Variants in NXPH1 observed in about 807,000 individuals in gnomAD.
NXPH1 encodes the protein neurexophilin 1.
In NXPH1, 5 loss-of-function variants were observed where a neutral mutation model predicts 23.7. The observed-to-expected ratio is 0.21, with a 90% confidence interval of 0.11 to 0.44. The LOEUF (loss-of-function observed/expected upper bound fraction) is 0.44, where lower values mean the gene tolerates loss of function less well. Ranked by LOEUF, NXPH1 falls within the 20% of genes least tolerant of loss-of-function variation. The pLI is 0.99. For missense variants in NXPH1, 324 were observed against 321.6 expected, an observed-to-expected ratio of 1.01 and a Z score of -0.06; for synonymous variants, 144 against 122.2, an observed-to-expected ratio of 1.18 and a Z score of -1.18.
intron 2 of NXPH1, among the ~76,000 whole-genome samples, chr7:8,598,658 G>A (rs17405461): frequency 0.014 from 2,146 of 152,242 alleles, 20 homozygotes; most frequent in Non-Finnish European, 0.022. Context: ...TTTGTACAGC[G>A]TCAGTATTTT....
At chr7:8,463,098 A>C (rs1006254245) in intron 2 of NXPH1, among the ~76,000 whole-genome samples, 2 of 152,190 alleles carry the variant, frequency 1.3e-5, no homozygotes, top group African/African-American at 4.8e-5. Flanking sequence ...AATATAATTC[A>C]TAAGTTTAGG....
At chr7:8,630,381 T>C (rs1388099103) in intron 2 of NXPH1, among the ~76,000 whole-genome samples, 1 of 152,146 alleles carries the variant, frequency 6.6e-6, no homozygotes, top group Admixed American at 6.6e-5. Context: ...ATGTCCAGGA[T>C]TGGATATTGT....
chr7:8,646,220 G>A (rs1396979975), intron 2 of NXPH1, among the ~76,000 whole-genome samples: 1 of 152,012 alleles, frequency 6.6e-6, no homozygotes, highest in Non-Finnish European at 1.5e-5. Flanking sequence ...GTATTACTGG[G>A]TGTAATTAGT....
At chr7:8,437,123 G>T (rs898228531) in intron 2 of NXPH1, among the ~76,000 whole-genome samples, 1 of 152,232 alleles carries the variant, frequency 6.6e-6, no homozygotes, top group African/African-American at 2.4e-5. Flanking sequence ...AGGACACCTT[G>T]GGGTAAACAG....
chr7:8,673,998 A>C (rs1244050491), intron 2 of NXPH1, among the ~76,000 whole-genome samples: 1 of 152,198 alleles, frequency 6.6e-6, no homozygotes, highest in Non-Finnish European at 1.5e-5. Flanking sequence ...GCTACTCCAC[A>C]TAACAAAGTA....
intron 2 of NXPH1, among the ~76,000 whole-genome samples, chr7:8,705,023 T>C (rs1370124394): frequency 3.3e-5 from 5 of 152,130 alleles, no homozygotes; most frequent in African/African-American, 1.2e-4. Context: ...TAGTAAATGT[T>C]GTGTCTAAAT....
At chr7:8,597,456 G>C (rs1819250450) in intron 2 of NXPH1, among the ~76,000 whole-genome samples, 1 of 152,058 alleles carries the variant, frequency 6.6e-6, no homozygotes, top group South Asian at 2.1e-4. Flanking sequence ...GGGGAAGATA[G>C]TGAGTTTGAA....
At chr7:8,532,303 T>A (rs561567427) in intron 2 of NXPH1, among the ~76,000 whole-genome samples, 26 of 152,186 alleles carry the variant, frequency 1.7e-4, no homozygotes, top group African/African-American at 5.5e-4. Context: ...AATCTATGTA[T>A]CAATTCATCC....
chr7:8,747,453 C>A (rs984651926), intron 2 of NXPH1, among the ~76,000 whole-genome samples: 1 of 152,174 alleles, frequency 6.6e-6, no homozygotes, highest in Non-Finnish European at 1.5e-5. Context: ...CTGTAAATCC[C>A]TCTTTTCCTC....
chr7:8,645,004 G>T (rs1311854211), intron 2 of NXPH1, among the ~76,000 whole-genome samples: 1 of 152,166 alleles, frequency 6.6e-6, no homozygotes, highest in Non-Finnish European at 1.5e-5. Flanking sequence ...GTTGATAAAT[G>T]CAGTTCTAAT....
chr7:8,712,236 TTTTC>T (rs1322717339), intron 2 of NXPH1, among the ~76,000 whole-genome samples: 1 of 151,406 alleles, frequency 6.6e-6, no homozygotes, highest in Non-Finnish European at 1.5e-5. Flanking sequence ...TCAGGATCAG[TTTTC>T]TTTATGTTAT....
intron 2 of NXPH1, among the ~76,000 whole-genome samples, chr7:8,666,877 C>T (rs916654238): frequency 2.0e-5 from 3 of 151,864 alleles, no homozygotes; most frequent in African/African-American, 7.2e-5. Context: ...TGTAATGTCT[C>T]CTATATTATT....
At chr7:8,715,252 T>A (rs751718435) in intron 2 of NXPH1, among the ~76,000 whole-genome samples, 3 of 152,042 alleles carry the variant, frequency 2.0e-5, no homozygotes, top group Admixed American at 6.6e-5. Flanking sequence ...ACACTCTCCC[T>A]CCCGCAGGTG....
chr7:8,456,053 C>T (rs770354152), intron 2 of NXPH1, among the ~76,000 whole-genome samples: 2 of 152,138 alleles, frequency 1.3e-5, no homozygotes, highest in Admixed American at 6.5e-5. Flanking sequence ...ATGGGTAAGT[C>T]ATTTGATAAG....
At chr7:8,542,517 T>C (rs1818135352) in intron 2 of NXPH1, among the ~76,000 whole-genome samples, 1 of 151,628 alleles carries the variant, frequency 6.6e-6, no homozygotes. Context: ...AAGAGCAGAA[T>C]ATACAGTGTT....
chr7:8,675,433 C>G (rs923743638), intron 2 of NXPH1, among the ~76,000 whole-genome samples: 2 of 152,090 alleles, frequency 1.3e-5, no homozygotes, highest in Non-Finnish European at 2.9e-5. Flanking sequence ...TACTTCATAT[C>G]TTTTCCTGAT....
At chr7:8,610,695 C>T (rs62447880) in intron 2 of NXPH1, among the ~76,000 whole-genome samples, 2,414 of 151,968 alleles carry the variant, frequency 0.016, 36 homozygotes, top group Middle Eastern at 0.024. Flanking sequence ...TTTGTTGATT[C>T]ATTCCCTCTA....
At chr7:8,451,110 C>CTTT (rs5882168) in intron 2 of NXPH1, among the ~76,000 whole-genome samples, 2,974 of 139,386 alleles carry the variant, frequency 0.021, 94 homozygotes, top group African/African-American at 0.067. Context: ...AGGGATCTAG[C>CTTT]TTTTTTTTTT....
chr7:8,587,881 A>T (rs1819011965), intron 2 of NXPH1, among the ~76,000 whole-genome samples: 1 of 152,026 alleles, frequency 6.6e-6, no homozygotes, highest in Non-Finnish European at 1.5e-5. Flanking sequence ...TATCCAGTCT[A>T]TCATTGATGG....
Sources: allele counts gnomAD v4.1 joint callset (sites outside exome capture counted in the v4.1 genomes callset), GRCh38; gene constraint gnomAD v4.1.1; transcripts MANE v1.5; gene names NCBI Gene and HGNC (gene_info 2026-07-23, HGNC 2026-07-21).